Variants in LRP1 observed in about 807,000 individuals in gnomAD.
LRP1 encodes LDL receptor related protein 1.
In LRP1, 51 loss-of-function variants were observed where a neutral mutation model predicts 541.5. That is an observed-to-expected ratio of 0.09 (90% CI 0.08 to 0.12). The LOEUF is 0.12. Ranked by LOEUF, LRP1 falls within the 10% of genes least tolerant of loss-of-function variation. LRP1 has a pLI of 1.00. For synonymous variants in LRP1, 2,219 were observed against 2,470.8 expected (o/e 0.90, Z 3.02); for missense variants, 3,878 against 6,376.2 (o/e 0.61, Z 13.34).
Position 57,197,138 on chromosome 12 carries a change from G to A in LRP1, c.9049G>A (p.Asp3017Asn), listed in dbSNP as rs978518329. Residue 3017 changes from aspartate to asparagine, a missense_variant, in exon 56 of 89, where the codon GAC becomes AAC. By Grantham distance (23) the Asp-to-Asn change is conservative. Around this residue, in one of 13 missense-constraint regions of LRP1, gnomAD observed 1,100 missense variants for 1,827.4 expected, o/e 0.60. Transcript: ENST00000243077. The surrounding 1 kb of genome is among the most constrained non-coding windows in gnomAD (Gnocchi z 4.5). ...CVEGYAPRGG[D>N]PHSCKAVTDE... Reference sequence around the variant, plus strand: ...GGAGGGCTATGCACCCCGCGGCGGCGACCCCCACAGCTGCAAGGCTGTGAC... The same window carrying A: ...GGAGGGCTATGCACCCCGCGGCGGCAACCCCCACAGCTGCAAGGCTGTGAC... The A allele has an allele frequency of 4.3e-6, 7 of 1,613,790 alleles. No individual in the cohort carries two copies. The highest frequency in any genetic ancestry group is 2.2e-5 in the East Asian group (1 of 44,900).
chr12:57,204,740 G>A lies in LRP1; in HGVS notation c.11185G>A (p.Glu3729Lys), dbSNP rs1419952992. Residue 3729 changes from glutamate to lysine, a missense_variant, in exon 72 of 89, where the codon GAG becomes AAG. Coordinates refer to ENST00000243077, the MANE Select transcript of LRP1 (RefSeq NM_002332.3). The surrounding 1 kb of genome is among the most constrained non-coding windows in gnomAD (Gnocchi z 5.3). Reference protein sequence around the residue: ...TDNCGDGTDEEDCEPPTAHTT... With the variant: ...TDNCGDGTDEKDCEPPTAHTT... ...CAACTGTGGGGATGGGACTGATGAA[G>A]AGGACTGTGGTGAGCAGGGGGCCGA... 1.2e-6 allele frequency: 2 copies of A among 1,613,898 alleles called. No individual in the cohort carries two copies. The highest frequency in any genetic ancestry group is 1.7e-5 in the Admixed American group (1 of 60,012).
At position 57,173,395 on chromosome 12, in the gene LRP1, C is replaced by A; in HGVS notation, c.3346+45C>A. On this transcript the variant is annotated intron_variant, in intron 21 of 88. Transcript: ENST00000243077. The surrounding 1 kb of genome is among the most constrained non-coding windows in gnomAD (Gnocchi z 4.7). ...GGCGTCTGGAACAGCACAATGTGGG[C>A]AGGAGGAGACCGTGTTGAGAGCAGA... 6.3e-7 allele frequency: 1 copy of A among 1,583,446 alleles called. No homozygotes were observed. The highest frequency in any genetic ancestry group is 8.6e-7 in the Non-Finnish European group (1 of 1,158,466).
intron 4 of LRP1, among the ~76,000 whole-genome samples, chr12:57,144,315 T>A (rs760954287): frequency 1.3e-5 from 2 of 152,054 alleles, no homozygotes; most frequent in African/African-American, 4.8e-5. Context: ...TTTTTCTGTG[T>A]TAATATGTAA....
intron 61 of LRP1, 68 bp from the exon 62 acceptor site, chr12:57,199,809 A>T (rs1006465333): frequency 1.4e-5 from 22 of 1,529,422 alleles, no homozygotes; most frequent in Non-Finnish European, 1.8e-5. Flanking sequence ...TGTCCAGGAT[A>T]GAGTGAGTGA....
intron 1 of LRP1, among the ~76,000 whole-genome samples, chr12:57,135,211 T>TCCCATC (rs2035132022): frequency 6.6e-6 from 1 of 152,116 alleles, no homozygotes; most frequent in African/African-American, 2.4e-5. Context: ...AAAGGTTAGC[T>TCCCATC]CCCATCGGTC....
Position 57,190,535 on chromosome 12 carries a change from C to T in LRP1, c.7032-270C>T, listed in dbSNP as rs531347748. On this transcript the variant is annotated intron_variant, in intron 42 of 88. Coordinates refer to ENST00000243077, the MANE Select transcript of LRP1 (RefSeq NM_002332.3). The stretch of plus-strand genomic sequence containing the variant: ...CTCACTTGGCTGCACCGGCTCTCTT[C>T]TCAGCAAGTAGACGGTCACTGCCCA... Among the ~76,000 whole-genome samples the T allele has an allele frequency of 1.2e-3, 178 of 152,344 alleles. 6 individuals are homozygous for T. The South Asian group carries it at 0.037, about 31-fold the overall frequency.
chr12:57,199,186 A>C lies in LRP1; in HGVS notation c.9677-26A>C, dbSNP rs138187529. ...CCTGTCCGAGCTCCGGCTGACTGGC[A>C]CTGTGCCTGCCCCTTGGCCCTGCAG... On this transcript the variant is annotated intron_variant, in intron 60 of 88. Coordinates refer to ENST00000243077, the MANE Select transcript of LRP1 (RefSeq NM_002332.3). 1.1e-3 allele frequency: 1,834 copies of C among 1,606,884 alleles called. 18 individuals carry two copies. In the African/African-American group the frequency reaches 0.02, roughly 17 times the overall value.
Position 57,145,080 on chromosome 12 carries a change from G to A in LRP1, c.557G>A (p.Arg186His), listed in dbSNP as rs777218055. 11 of 1,613,772 alleles carry A rather than the reference G, an allele frequency of 6.8e-6. No homozygotes were observed. The highest frequency in any genetic ancestry group is 2.7e-5 in the African/African-American group (2 of 74,902). Residue 186 changes from arginine (R) to histidine (H), a missense_variant, in exon 5 of 89, where the codon CGC (arginine) becomes CAC (histidine). Arg to His is a conservative substitution (Grantham distance 29, BLOSUM62 0). Coordinates refer to ENST00000243077, the MANE Select transcript of LRP1 (RefSeq NM_002332.3). ...GGATACCTCCTGCAGCCGGATAACC[G>A]CTCCTGCAAGGCCAAGAACGGTGGG... ...VEGYLLQPDN[R>H]SCKAKNEPVD...
At position 57,184,796 on chromosome 12, in the gene LRP1, C is replaced by G. The variant is rs36049517; in HGVS notation, c.6187-43C>G. The G allele has an allele frequency of 1.3e-6, 2 of 1,585,312 alleles. No individual in the cohort carries two copies. The highest frequency in any genetic ancestry group is 1.7e-5 in the Admixed American group (1 of 58,260). On this transcript the variant is annotated intron_variant, in intron 38 of 88. Coordinates refer to ENST00000243077, the MANE Select transcript of LRP1 (RefSeq NM_002332.3). The surrounding 1 kb of genome is among the most constrained non-coding windows in gnomAD (Gnocchi z 7.8). ...GCTGCCCCAGACATGGGGCTGGCAG[C>G]GAGCTCAGCCCTGGAGGTGAGGTGG...
chr12:57,143,817 C>T lies in LRP1; in HGVS notation c.448+19C>T, dbSNP rs1382941237. On this transcript the variant is annotated intron_variant, in intron 4 of 88. Transcript: ENST00000243077. The stretch of plus-strand genomic sequence containing the variant: ...TGCAAAGGTATGTGAGTGCATGTGC[C>T]TGTGTGCATGTGTGTGTGCCAGTAG... The T allele has an allele frequency of 5.0e-6, 8 of 1,609,422 alleles. No individual in the cohort carries two copies. The highest frequency in any genetic ancestry group is 5.9e-6 in the Non-Finnish European group (7 of 1,177,276).
rs1433921149 is a variant in LRP1, at chr12:57,207,913, C to A, written c.11860-125C>A. On this transcript the variant is annotated intron_variant, in intron 76 of 88. Transcript: ENST00000243077. ...CGCATAAGCTCCATGCCGGTTGAAT[C>A]TCTTTAAAGCCAGGGTCCTGGCTGT... The A allele has an allele frequency of 8.4e-6, 9 of 1,066,992 alleles. No homozygotes were observed. In the African/African-American group the frequency reaches 1.3e-4, roughly 15 times the overall value. 66.1% of individuals were successfully genotyped at this position (1,066,992 alleles called of 1,614,324 possible).
In LRP1 at chr12:57,156,033, C is replaced by G. The variant is rs2035611799; in HGVS notation, c.1228-61C>G. The G allele has an allele frequency of 7.1e-7, 1 of 1,418,412 alleles. No homozygotes were observed. The allele number at this position is 1,418,412 out of a possible 1,614,324, so 87.9% of individuals were successfully genotyped here. On this transcript the variant is annotated intron_variant, in intron 8 of 88. Transcript: ENST00000243077. The surrounding 1 kb of genome is among the most constrained non-coding windows in gnomAD (Gnocchi z 5.2). ...AGTCTGGAGGAAGCTGAGGGGATCTCCAGGACAGAGGGAGGAACCCCTGTC... is the reference window on the plus strand; with the variant it reads ...AGTCTGGAGGAAGCTGAGGGGATCTGCAGGACAGAGGGAGGAACCCCTGTC...
intron 44 of LRP1, among the ~76,000 whole-genome samples, chr12:57,192,355 G>A (rs1020352220): frequency 1.6e-4 from 25 of 152,160 alleles, no homozygotes; most frequent in African/African-American, 5.3e-4. Context: ...TGTCACACCC[G>A]CCCCTCAGGG....
intron 6 of LRP1, among the ~76,000 whole-genome samples, chr12:57,153,370 C>T (rs1347590497): frequency 6.6e-6 from 1 of 152,162 alleles, no homozygotes; most frequent in Non-Finnish European, 1.5e-5. Flanking sequence ...CCATCTCCTC[C>T]AGAACCATGC....
intron 1 of LRP1, among the ~76,000 whole-genome samples, chr12:57,133,320 G>A (rs1325219672): frequency 6.6e-6 from 1 of 151,886 alleles, no homozygotes; most frequent in Non-Finnish European, 1.5e-5. Context: ...AAAGCTGGTG[G>A]GGGAGGTCAC....
rs2036211145 is a variant in LRP1 at position 57,183,668 on chromosome 12, G to A, written c.5795-107G>A. ...GACTCCACCTCCCCTTCAAGCACCTGGCCCCTCCGGCACTCTCTCACCTCT... is the reference window on the plus strand; with the variant it reads ...GACTCCACCTCCCCTTCAAGCACCTAGCCCCTCCGGCACTCTCTCACCTCT... On this transcript the variant is annotated intron_variant, in intron 35 of 88. Coordinates refer to ENST00000243077, the MANE Select transcript of LRP1 (RefSeq NM_002332.3). This position sits in a 1 kb window ranked among gnomAD's most constrained non-coding sequence, Gnocchi z 6.1. 4 of 1,517,486 alleles carry A rather than the reference G, an allele frequency of 2.6e-6. No homozygotes were observed. The highest frequency in any genetic ancestry group is 4.6e-5 in the East Asian group (2 of 43,676). 94.0% of individuals were successfully genotyped at this position (1,517,486 alleles called of 1,614,324 possible).
intron 6 of LRP1, among the ~76,000 whole-genome samples, chr12:57,152,083 G>A (rs2035537085): frequency 6.6e-6 from 1 of 152,126 alleles, no homozygotes; most frequent in African/African-American, 2.4e-5. Context: ...TGATCTCTCT[G>A]CCTTCCTTCC....
At position 57,180,631 on chromosome 12, in the gene LRP1, C is replaced by T. The variant is rs369173896; in HGVS notation, c.5387-36C>T. The stretch of plus-strand genomic sequence containing the variant: ...CCCTTCAGGAGAGCTGGGTGTGGGG[C>T]CTTCCCAAGGGTCTCATCCCCTCCT... On this transcript the variant is annotated intron_variant, in intron 32 of 88. Transcript: ENST00000243077. The T allele has an allele frequency of 5.0e-6, 8 of 1,612,782 alleles. No homozygotes were observed. The African/African-American group carries it at 9.3e-5, about 19-fold the overall frequency.
At chr12:57,142,286 G>A (rs187773756) in intron 3 of LRP1, among the ~76,000 whole-genome samples, 60 of 152,352 alleles carry the variant, frequency 3.9e-4, no homozygotes, top group Middle Eastern at 3.4e-3. Context: ...GTCTGGGCCC[G>A]GAGCAAGAGG....
Sources: allele counts gnomAD v4.1 joint callset (sites outside exome capture counted in the v4.1 genomes callset), GRCh38; gene constraint gnomAD v4.1.1; regional missense constraint gnomAD v4.1.1; non-coding constraint Gnocchi (gnomAD v3.1); transcripts MANE v1.5; gene names NCBI Gene and HGNC (gene_info 2026-07-23, HGNC 2026-07-21).